PKP4: variants seen among roughly 807,000 people sequenced by gnomAD.
PKP4 encodes the protein plakophilin 4.
Under a neutral mutation model 145.1 loss-of-function variants are expected in PKP4, and 90 were observed. The observed-to-expected ratio is 0.62, with a 90% CI of 0.52 to 0.74. PKP4 has a LOEUF of 0.74. PKP4 is among the 30% of genes least tolerant of loss of function. The probability of loss-of-function intolerance (pLI) is 0.00; values close to 1 mark genes in which losing one functional copy is unlikely to be tolerated. For missense variants in PKP4, 1,340 were observed against 1,482.7 expected, an observed-to-expected ratio of 0.90 and a Z score of 1.58; for synonymous variants, 563 against 577.2, an observed-to-expected ratio of 0.98 and a Z score of 0.35.
At chr2:158,522,451 A>G (rs1044447085) in intron 1 of PKP4, among the ~76,000 whole-genome samples, 2 of 152,210 alleles carry the variant, frequency 1.3e-5, no homozygotes, top group Admixed American at 6.5e-5. Flanking sequence ...AGATACATAC[A>G]TGCATACACA....
intron 10 of PKP4, among the ~76,000 whole-genome samples, chr2:158,641,041 T>C (rs1239781103): frequency 6.6e-6 from 1 of 152,148 alleles, no homozygotes; most frequent in Non-Finnish European, 1.5e-5. Context: ...AACTTGCATT[T>C]AAAAAATATT....
Position 158,603,122 on chromosome 2 carries a change from T to C in PKP4, c.280+18T>C. On this transcript the variant is annotated intron_variant, in intron 4 of 21. Transcript: ENST00000389759. ...ATCAACAGGTATGTTTTTTATTATA[T>C]AAAAGTTATGTTTGATAAACACAAA... 2.2e-6 allele frequency: 3 copies of C among 1,391,192 alleles called. No individual in the cohort carries two copies. The East Asian group carries it at 7.2e-5, about 34-fold the overall frequency. 86.2% of individuals were successfully genotyped at this position (1,391,192 alleles called of 1,614,324 possible).
rs1298208501 is a variant in PKP4 at position 158,625,125 on chromosome 2, CT to C, written c.852del (p.Ile285TyrfsTer32). On this transcript the variant is annotated frameshift_variant, in exon 7 of 22. Coordinates refer to ENST00000389759, the MANE Select transcript of PKP4 (RefSeq NM_003628.6). LOFTEE classifies it high-confidence loss of function. ...PYSQRPASPT[A>X]IRRIGSVTSR... is the part of the protein sequence containing the mutation. ...TCACAGAGACCCGCCTCCCCAACAG[CT>C]ATACGGCGGATTGGGTCAGTCACCT... is the stretch of plus-strand genomic sequence containing the variant. 6.2e-7 allele frequency: 1 copy of C among 1,614,162 alleles called. No homozygotes were observed. Among genetic ancestry groups the C allele is most frequent in the East Asian group, 2.2e-5 (1 of 44,868 alleles).
At chr2:158,594,659 C>T (rs1159082223) in intron 3 of PKP4, among the ~76,000 whole-genome samples, 1 of 152,106 alleles carries the variant, frequency 6.6e-6, no homozygotes, top group African/African-American at 2.4e-5. Context: ...AGTGAAAAAC[C>T]AGGAATTTGG....
At chr2:158,472,098 G>A (rs1041889250) in intron 1 of PKP4, among the ~76,000 whole-genome samples, 59 of 152,292 alleles carry the variant, frequency 3.9e-4, no homozygotes, top group African/African-American at 1.4e-3. Flanking sequence ...CTATTGCACA[G>A]CATGGTGAAT....
At chr2:158,592,684 A>G (rs932218176) in intron 3 of PKP4, among the ~76,000 whole-genome samples, 1 of 152,136 alleles carries the variant, frequency 6.6e-6, no homozygotes, top group Non-Finnish European at 1.5e-5. Flanking sequence ...CACCAGATTT[A>G]ATAGTACCTT....
chr2:158,483,568 G>A (rs1693692881), intron 1 of PKP4, among the ~76,000 whole-genome samples: 1 of 152,066 alleles, frequency 6.6e-6, no homozygotes, highest in African/African-American at 2.4e-5. Context: ...CAGTGTGGCA[G>A]GTTGGAAAGC....
At chr2:158,576,989 A>G (rs1437199947) in intron 2 of PKP4, among the ~76,000 whole-genome samples, 1 of 152,218 alleles carries the variant, frequency 6.6e-6, no homozygotes, top group Admixed American at 6.5e-5. Context: ...ACTGTAGCAG[A>G]AGTACTGTTT....
At chr2:158,590,815 C>T (rs139741016) in intron 3 of PKP4, among the ~76,000 whole-genome samples, 2 of 152,174 alleles carry the variant, frequency 1.3e-5, no homozygotes, top group Non-Finnish European at 2.9e-5. Context: ...CCACTAAAAT[C>T]ATCAGCTGGA....
chr2:158,664,637 T>C (rs566997382), intron 15 of PKP4, among the ~76,000 whole-genome samples: 1 of 152,336 alleles, frequency 6.6e-6, no homozygotes, highest in Admixed American at 6.5e-5. Flanking sequence ...ATGTTGAATA[T>C]AGAGCGATAA....
intron 2 of PKP4, among the ~76,000 whole-genome samples, chr2:158,548,052 A>G (rs375349571): frequency 6.6e-6 from 1 of 152,212 alleles, no homozygotes; most frequent in Non-Finnish European, 1.5e-5. Flanking sequence ...GTAATCCACT[A>G]TGACTAGAAT....
Position 158,676,846 on chromosome 2 carries a change from A to C in PKP4, c.3235A>C (p.Thr1079Pro). ...GTATTACAATAGCCAAGGGGATGCC[A>C]CACATAAAGGCCTGTACCCTGGTAA... ...MQYYNSQGDATHKGLYPGSSK... is the reference protein window; with the variant it reads ...MQYYNSQGDAPHKGLYPGSSK... Residue 1079 changes from threonine to proline, a missense_variant, in exon 20 of 22, where the codon ACA becomes CCA. By Grantham distance (38) the Thr-to-Pro change is conservative. Coordinates refer to ENST00000389759, the MANE Select transcript of PKP4 (RefSeq NM_003628.6). The C allele has an allele frequency of 6.2e-7, 1 of 1,614,120 alleles. No individual in the cohort carries two copies. The highest frequency in any genetic ancestry group is 8.5e-7 in the Non-Finnish European group (1 of 1,180,026).
chr2:158,678,513 A>C (rs1251342746), intron 20 of PKP4, 68 bp from the exon 21 acceptor site: 7 of 1,101,870 alleles, frequency 6.4e-6, no homozygotes, highest in Admixed American at 1.7e-5. Context: ...AGTGCAGGGG[A>C]GACCACCCAG....
At chr2:158,664,285 T>C (rs2056881717) in intron 15 of PKP4, among the ~76,000 whole-genome samples, 1 of 152,196 alleles carries the variant, frequency 6.6e-6, no homozygotes, top group Non-Finnish European at 1.5e-5. Context: ...TCTGTTCCTC[T>C]CAGACCGTTA....
rs530417594 is a variant in PKP4, at chr2:158,641,941, C to A, written c.1696-545C>A. 2.6e-5 allele frequency among the ~76,000 whole-genome samples: 4 copies of A among 152,226 alleles called. No homozygotes were observed. In the South Asian group the frequency reaches 8.3e-4, roughly 32 times the overall value. ...GTGCTGCCTGCCGATGGACATTAAA[C>A]CACTTAAATCTCCTATCTTTTTTTG... On this transcript the variant is annotated intron_variant, in intron 10 of 21. Transcript: ENST00000389759.
chr2:158,559,549 A>C (rs1454031309), intron 2 of PKP4, among the ~76,000 whole-genome samples: 2 of 152,070 alleles, frequency 1.3e-5, no homozygotes, highest in Non-Finnish European at 2.9e-5. Flanking sequence ...TACACCAAGC[A>C]TTCAGTTTAG....
intron 2 of PKP4, among the ~76,000 whole-genome samples, chr2:158,561,852 A>G (rs555212905): frequency 1.3e-5 from 2 of 150,342 alleles, no homozygotes; most frequent in East Asian, 3.9e-4. Context: ...GGTTTGTTAC[A>G]TAGGTATACA....
At chr2:158,530,624 A>G (rs1391351931) in intron 1 of PKP4, among the ~76,000 whole-genome samples, 3 of 151,486 alleles carry the variant, frequency 2.0e-5, no homozygotes, top group Non-Finnish European at 4.4e-5. Flanking sequence ...GAAAACTACA[A>G]GAAAATGGAT....
At chr2:158,473,676 G>C (rs980217582) in intron 1 of PKP4, among the ~76,000 whole-genome samples, 1 of 152,012 alleles carries the variant, frequency 6.6e-6, no homozygotes, top group Non-Finnish European at 1.5e-5. Context: ...GGAGGAGAGA[G>C]GGGGCGGAAA....
Sources: gnomAD v4.1 joint callset for allele counts (sites outside exome capture counted in the v4.1 genomes callset) on GRCh38, gnomAD v4.1.1 for gene constraint, MANE v1.5 for transcripts, NCBI Gene and HGNC (gene_info 2026-07-23, HGNC 2026-07-21) for gene names.